Variants in ABLIM3 observed in about 807,000 individuals in gnomAD.
ABLIM3 encodes the protein actin binding LIM protein family member 3.
A neutral mutation model predicts 109.5 loss-of-function variants in ABLIM3; 61 were observed. The observed-to-expected ratio is 0.56, with a 90% CI of 0.45 to 0.69. The LOEUF is 0.69. ABLIM3 is among the 30% of genes least tolerant of loss of function. The probability of loss-of-function intolerance (pLI) is 0.00; values close to 1 mark genes in which losing one functional copy is unlikely to be tolerated. For synonymous variants in ABLIM3, 300 were observed against 324.8 expected (o/e 0.92, Z 0.82); for missense variants, 796 against 889.5 (o/e 0.89, Z 1.34).
intron 2 of ABLIM3, among the ~76,000 whole-genome samples, chr5:149,161,588 G>A (rs1328225665): frequency 6.6e-6 from 1 of 152,200 alleles, no homozygotes; most frequent in Non-Finnish European, 1.5e-5. Flanking sequence ...TGGGGACAGA[G>A]TGCCTCTTTG....
intron 2 of ABLIM3, among the ~76,000 whole-genome samples, chr5:149,174,198 G>A (rs972142585): frequency 5.3e-5 from 8 of 151,732 alleles, no homozygotes; most frequent in Admixed American, 1.3e-4. Context: ...TGCATTCCAT[G>A]CGTGGTTTGC....
intron 3 of ABLIM3, among the ~76,000 whole-genome samples, chr5:149,184,737 G>A (rs978927458): frequency 6.6e-6 from 1 of 152,290 alleles, no homozygotes; most frequent in Middle Eastern, 3.4e-3. Context: ...AAAGTCGGTT[G>A]AAACCCGCGG....
chr5:149,184,770 C>T (rs1756791951), intron 3 of ABLIM3, among the ~76,000 whole-genome samples: 1 of 152,302 alleles, frequency 6.6e-6, no homozygotes, highest in African/African-American at 2.4e-5. Context: ...CAGTAACTGC[C>T]TCAGTCTCAT....
intron 16 of ABLIM3, among the ~76,000 whole-genome samples, chr5:149,245,250 G>T (rs1474488086): frequency 1.3e-5 from 2 of 152,362 alleles, no homozygotes; most frequent in African/African-American, 4.8e-5. Context: ...AGAAGACATA[G>T]GCCCCAGCCA....
intron 3 of ABLIM3, among the ~76,000 whole-genome samples, chr5:149,186,932 T>C (rs554913856): frequency 4.5e-4 from 68 of 152,098 alleles, no homozygotes; most frequent in African/African-American, 1.6e-3. Context: ...TAGAAATATA[T>C]AATCTTTGAA....
At chr5:149,179,057 G>T (rs1756227908) in intron 2 of ABLIM3, among the ~76,000 whole-genome samples, 1 of 152,172 alleles carries the variant, frequency 6.6e-6, no homozygotes, top group African/African-American at 2.4e-5. Flanking sequence ...GTTTACTGTT[G>T]TGTTCAACTC....
chr5:149,204,422 A>T (rs75042235), intron 5 of ABLIM3, among the ~76,000 whole-genome samples: 4,733 of 152,210 alleles, frequency 0.031, 129 homozygotes, highest in African/African-American at 0.064. Flanking sequence ...GAAAGGAGGA[A>T]GAAGAGGGCG....
Position 149,206,988 on chromosome 5 carries a change from A to C in ABLIM3, c.449-20A>C, listed in dbSNP as rs775389106. The C allele has an allele frequency of 1.8e-5, 29 of 1,612,922 alleles. 1 individual carries two copies. In the South Asian group the frequency reaches 3.2e-4, roughly 18 times the overall value. On this transcript the variant is annotated intron_variant, in intron 5 of 23. Coordinates refer to ENST00000309868, the MANE Select transcript of ABLIM3 (RefSeq NM_014945.5). Reference sequence around the variant, plus strand: ...AAGGGCCCAGGGTGCTTTGCTCAGCAGTGTCCTCTTGTCTTGCAGACTGTG... The same window carrying C: ...AAGGGCCCAGGGTGCTTTGCTCAGCCGTGTCCTCTTGTCTTGCAGACTGTG...
At chr5:149,190,095 A>C (rs1561568675) in intron 3 of ABLIM3, among the ~76,000 whole-genome samples, 1 of 152,228 alleles carries the variant, frequency 6.6e-6, no homozygotes, top group Non-Finnish European at 1.5e-5. Flanking sequence ...ACGTAAAAGA[A>C]AACAGTCACA....
chr5:149,174,786 C>T (rs1489227575), intron 2 of ABLIM3: 1 of 152,152 alleles, frequency 6.6e-6, no homozygotes, highest in Non-Finnish European at 1.5e-5. Flanking sequence ...CTGTCTGAAC[C>T]CTAACTCTAA....
chr5:149,142,516 G>A (rs1440752928), intron 2 of ABLIM3, among the ~76,000 whole-genome samples: 1 of 152,152 alleles, frequency 6.6e-6, no homozygotes, highest in Non-Finnish European at 1.5e-5. Flanking sequence ...GTGGGCAGGC[G>A]GGAGGGTAGG....
intron 6 of ABLIM3, 149 bp downstream of exon 6, chr5:149,207,283 C>T: frequency 7.7e-7 from 1 of 1,295,758 alleles, no homozygotes; most frequent in Non-Finnish European, 1.0e-6. Flanking sequence ...TCCCAGCAGC[C>T]TCTTTCCCCC....
intron 14 of ABLIM3, 81 bp downstream of exon 14, chr5:149,240,855 C>T: frequency 7.6e-7 from 1 of 1,311,312 alleles, no homozygotes; most frequent in Non-Finnish European, 1.1e-6. Context: ...CCCTCGATGC[C>T]ACACAGGCAC....
chr5:149,230,354 T>C (rs186666632), intron 8 of ABLIM3, among the ~76,000 whole-genome samples: 1 of 152,248 alleles, frequency 6.6e-6, no homozygotes, highest in East Asian at 1.9e-4. Flanking sequence ...CAAAGAACTA[T>C]GGATCACAAA....
chr5:149,182,958 C>A (rs1238104740), intron 2 of ABLIM3, among the ~76,000 whole-genome samples: 1 of 152,146 alleles, frequency 6.6e-6, no homozygotes, highest in South Asian at 2.1e-4. Flanking sequence ...TGACCACCCT[C>A]ATTTGATAGA....
chr5:149,253,827 C>T (rs1317784117), intron 23 of ABLIM3, among the ~76,000 whole-genome samples: 1 of 152,176 alleles, frequency 6.6e-6, no homozygotes, highest in African/African-American at 2.4e-5. Flanking sequence ...TCCCTCTCCC[C>T]AGAATGCCTG....
chr5:149,189,782 T>C (rs1362370974), intron 3 of ABLIM3, among the ~76,000 whole-genome samples: 1 of 152,228 alleles, frequency 6.6e-6, no homozygotes, highest in East Asian at 1.9e-4. Flanking sequence ...TGCAGCTTCT[T>C]GGGAGAATAG....
chr5:149,192,541 G>A (rs1401306143), intron 3 of ABLIM3, among the ~76,000 whole-genome samples: 4 of 150,888 alleles, frequency 2.7e-5, no homozygotes, highest in African/African-American at 4.9e-5. Flanking sequence ...CAGGAGAATG[G>A]CATGAACCTG....
At chr5:149,255,067 T>C (rs563538113) in intron 23 of ABLIM3, among the ~76,000 whole-genome samples, 3 of 152,338 alleles carry the variant, frequency 2.0e-5, no homozygotes, top group East Asian at 1.9e-4. Flanking sequence ...CCAACAAATA[T>C]TTATTGAATC....
Sources: allele counts gnomAD v4.1 joint callset (sites outside exome capture counted in the v4.1 genomes callset), GRCh38; gene constraint gnomAD v4.1.1; transcripts MANE v1.5; gene names NCBI Gene and HGNC (gene_info 2026-07-23, HGNC 2026-07-21).